Variants in PHEX observed in about 807,000 individuals in gnomAD.
The protein encoded by PHEX is phosphate-regulating neutral endopeptidase PHEX.
Under a neutral mutation model 68.0 loss-of-function variants are expected in PHEX, and 16 were observed. The ratio of observed to expected loss-of-function variants is 0.24; its 90% confidence interval spans 0.16 to 0.36. The LOEUF is 0.36. Among genes scored for constraint, PHEX ranks in the 10% least tolerant of loss-of-function variants. The probability of loss-of-function intolerance (pLI) is 1.00; values close to 1 mark genes in which losing one functional copy is unlikely to be tolerated. For missense variants in PHEX, 480 were observed against 575.5 expected (o/e 0.83, Z 1.70); for synonymous variants, 208 against 205.1 (o/e 1.01, Z -0.12).
In PHEX at chrX:22,188,940, C is replaced by A. The variant is rs758839411; in HGVS notation, c.1587-1504C>A. Among the ~76,000 whole-genome samples, 3 of 112,148 alleles carry A rather than the reference C, an allele frequency of 2.7e-5. No individual in the cohort carries two copies. In the South Asian group the frequency reaches 1.1e-3, roughly 42 times the overall value. ...GCCCTTCCCAACCTCTGGTAACCAT[C>A]CTTCTACTCTCTATCTCCACGAGTT... On this transcript the variant is annotated intron_variant, in intron 14 of 21. Transcript: ENST00000379374.
intron 9 of PHEX, among the ~76,000 whole-genome samples, chrX:22,106,595 C>A (rs1930699831): frequency 9.1e-6 from 1 of 109,998 alleles, no homozygotes; most frequent in African/African-American, 3.3e-5. Flanking sequence ...AATCATGAAA[C>A]CCTGTCTCTA....
At chrX:22,201,455 G>A (rs1039453619) in intron 15 of PHEX, among the ~76,000 whole-genome samples, 6 of 111,479 alleles carry the variant, frequency 5.4e-5, no homozygotes, top group African/African-American at 9.8e-5. Flanking sequence ...AAAGTTCTGC[G>A]ATTACAGGTG....
intron 15 of PHEX, among the ~76,000 whole-genome samples, chrX:22,192,784 G>A (rs769033308): frequency 7.1e-4 from 79 of 111,887 alleles, no homozygotes; most frequent in African/African-American, 2.5e-3. Flanking sequence ...TCTGCCGTGG[G>A]TCCTCCATAC....
At chrX:22,215,601 G>A (rs1271001183) in intron 16 of PHEX, among the ~76,000 whole-genome samples, 6 of 111,306 alleles carry the variant, frequency 5.4e-5, no homozygotes, top group Non-Finnish European at 1.1e-4. Flanking sequence ...CCTCCCTTCA[G>A]TTTTGGGGAA....
chrX:22,097,133 G>T, intron 8 of PHEX, 95 bp downstream of exon 8: 1 of 629,759 alleles, frequency 1.6e-6, no homozygotes, highest in Non-Finnish European at 2.7e-6. Flanking sequence ...TGTAAAACCT[G>T]CTCTCAGTCT....
intron 15 of PHEX, among the ~76,000 whole-genome samples, chrX:22,199,465 G>T: frequency 8.9e-6 from 1 of 112,238 alleles, no homozygotes; most frequent in Non-Finnish European, 1.9e-5. Context: ...AATGCCAGAA[G>T]TAAACAGTTC....
At position 22,114,369 on chromosome X, in the gene PHEX, G is replaced by C. The variant is rs757160940; in HGVS notation, c.1174-89G>C. ...TATGGGTTAGGGTGTGCAGTGTTTT[G>C]TAGACTGTTTTCTTCAGGTTGTTTG... is the stretch of plus-strand genomic sequence containing the variant. On this transcript the variant is annotated intron_variant, in intron 10 of 21. Transcript: ENST00000379374. 45 of 871,805 alleles carry C rather than the reference G, an allele frequency of 5.2e-5. No homozygotes were observed. In the South Asian group the frequency reaches 9.1e-4, roughly 18 times the overall value. 71.8% of individuals were successfully genotyped at this position (871,805 alleles called of 1,213,427 possible).
chrX:22,159,115 C>T (rs1034061764), intron 12 of PHEX, among the ~76,000 whole-genome samples: 14 of 113,360 alleles, frequency 1.2e-4, no homozygotes, highest in Non-Finnish European at 2.4e-4. Flanking sequence ...CGTGCGTGCA[C>T]GTGCACACAC....
chrX:22,232,219 C>G (rs1182949593), intron 20 of PHEX, among the ~76,000 whole-genome samples: 2 of 111,363 alleles, frequency 1.8e-5, no homozygotes, highest in South Asian at 3.8e-4. Context: ...ACAATAAGAG[C>G]GATGAGGTGC....
intron 18 of PHEX, among the ~76,000 whole-genome samples, chrX:22,222,821 C>T (rs151012213): frequency 0.037 from 4,117 of 111,527 alleles, 178 homozygotes; most frequent in African/African-American, 0.13. Context: ...ACAGGTTTTA[C>T]GTATGAGGTT....
intron 12 of PHEX, among the ~76,000 whole-genome samples, chrX:22,138,935 C>G (rs1007597487): frequency 3.6e-5 from 4 of 111,522 alleles, no homozygotes; most frequent in Non-Finnish European, 7.5e-5. Flanking sequence ...CTCTCTCACA[C>G]ACATGCAGGC....
At chrX:22,071,270 G>C (rs757462167) in intron 3 of PHEX, among the ~76,000 whole-genome samples, 1 of 111,539 alleles carries the variant, frequency 9.0e-6, no homozygotes, top group Admixed American at 9.6e-5. Context: ...CCTTAAAACT[G>C]GCGTTCATGA....
intron 12 of PHEX, among the ~76,000 whole-genome samples, chrX:22,135,932 A>T (rs1932208972): frequency 8.9e-6 from 1 of 111,774 alleles, no homozygotes; most frequent in Admixed American, 9.5e-5. Flanking sequence ...TGCATTTCAG[A>T]GTTCAGAGAA....
intron 15 of PHEX, 136 bp downstream of exon 15, chrX:22,190,638 C>T (rs978417114): frequency 1.9e-6 from 1 of 535,590 alleles, no homozygotes; most frequent in Non-Finnish European, 3.4e-6. Flanking sequence ...AGGTTGTTCT[C>T]CTACCTATAT....
chrX:22,195,397 C>A (rs374299455), intron 15 of PHEX, among the ~76,000 whole-genome samples: 15 of 109,844 alleles, frequency 1.4e-4, no homozygotes, highest in African/African-American at 4.6e-4. Context: ...AGTTCGAGAC[C>A]AGCCTGGCCG....
intron 12 of PHEX, among the ~76,000 whole-genome samples, chrX:22,139,702 AT>A (rs368551912): frequency 0.36 from 32,850 of 90,516 alleles, 5,065 homozygotes; most frequent in Middle Eastern, 0.46. Flanking sequence ...GGTTTTCTTA[AT>A]TTTTTTTTTT....
chrX:22,186,572 G>A (rs1247555630), intron 14 of PHEX, among the ~76,000 whole-genome samples: 1 of 112,579 alleles, frequency 8.9e-6, no homozygotes, highest in Non-Finnish European at 1.9e-5. Flanking sequence ...CATGGGCCCT[G>A]AACAAATAGA....
At chrX:22,084,539 GT>G (rs76410908) in intron 5 of PHEX, among the ~76,000 whole-genome samples, 20,266 of 75,190 alleles carry the variant, frequency 0.27, 1,919 homozygotes, top group Non-Finnish European at 0.31. Context: ...CTTCTCTTCA[GT>G]TTTTTTTTTT....
At chrX:22,068,736 C>T (rs978990442) in intron 3 of PHEX, among the ~76,000 whole-genome samples, 11 of 112,269 alleles carry the variant, frequency 9.8e-5, no homozygotes, top group African/African-American at 2.9e-4. Flanking sequence ...TGAACACTGT[C>T]GTTACTGGTC....
Sources: allele counts gnomAD v4.1 joint callset (sites outside exome capture counted in the v4.1 genomes callset), GRCh38; gene constraint gnomAD v4.1.1; transcripts MANE v1.5; gene names NCBI Gene and HGNC (gene_info 2026-07-23, HGNC 2026-07-21).